The following KLHL2 variants were observed in gnomAD, a reference collection of about 807,000 sequenced individuals.
KLHL2 encodes the protein kelch like family member 2.
A neutral mutation model predicts 75.8 loss-of-function variants in KLHL2; 15 were observed. The ratio of observed to expected loss-of-function variants is 0.20; its 90% CI spans 0.13 to 0.30. KLHL2 has a LOEUF of 0.30. Among genes scored for constraint, KLHL2 ranks in the 10% least tolerant of loss-of-function variants. The pLI is 1.00. For synonymous variants in KLHL2, 214 were observed against 251.9 expected (o/e 0.85, Z 1.42); for missense variants, 381 against 741.0 (o/e 0.51, Z 5.64).
chr4:165,283,793 C>G (rs1273987462), intron 5 of KLHL2, among the ~76,000 whole-genome samples: 1 of 152,232 alleles, frequency 6.6e-6, no homozygotes, highest in Non-Finnish European at 1.5e-5. Flanking sequence ...CAGAGGTTCC[C>G]CATGAGGACC....
At chr4:165,235,586 A>G (rs1739275313) in intron 3 of KLHL2, among the ~76,000 whole-genome samples, 1 of 152,212 alleles carries the variant, frequency 6.6e-6, no homozygotes, top group Admixed American at 6.5e-5. Flanking sequence ...TTGGGTATCT[A>G]CTAGATGTCA....
At chr4:165,296,042 C>T (rs1358181789) in intron 6 of KLHL2, among the ~76,000 whole-genome samples, 2 of 152,138 alleles carry the variant, frequency 1.3e-5, no homozygotes, top group Admixed American at 6.5e-5. Flanking sequence ...CCATTTTATG[C>T]TAACAATTCT....
chr4:165,284,092 G>A (rs1173084427), intron 5 of KLHL2, among the ~76,000 whole-genome samples: 1 of 152,110 alleles, frequency 6.6e-6, no homozygotes, highest in Non-Finnish European at 1.5e-5. Flanking sequence ...TTCCTCCTAG[G>A]CCTCTGGGCC....
rs765149497 is a variant in KLHL2, at chr4:165,278,139, A to G, written c.544+14780A>G. 6 of 1,527,848 alleles carry G rather than the reference A, an allele frequency of 3.9e-6. No individual in the cohort carries two copies. In the African/African-American group the frequency reaches 4.1e-5, roughly 10 times the overall value. 94.6% of individuals were successfully genotyped at this position (1,527,848 alleles called of 1,614,324 possible). A position where few individuals can be genotyped will look rare whatever the true frequency, so the allele number is the denominator to read the frequency against. On this transcript the variant is annotated intron_variant, in intron 5 of 14. Coordinates refer to ENST00000226725, the MANE Select transcript of KLHL2 (RefSeq NM_007246.4). ...ATTGACTTCATCACAGCTTTCTTCC[A>G]TGTAGAATAACGAATTTCACTTTCC...
chr4:165,317,990 C>A (rs371293002), intron 14 of KLHL2, 21 bp downstream of exon 14: 2 of 1,606,538 alleles, frequency 1.2e-6, no homozygotes, highest in Non-Finnish European at 1.7e-6. Context: ...TCTCTAAAGT[C>A]AATTTCCGTA....
At chr4:165,281,317 T>G (rs1222863941) in intron 5 of KLHL2, among the ~76,000 whole-genome samples, 1 of 151,518 alleles carries the variant, frequency 6.6e-6, no homozygotes, top group Non-Finnish European at 1.5e-5. Context: ...CTCTTTTTTT[T>G]TTTTTCATTT....
At chr4:165,284,761 A>G (rs1455284182) in intron 5 of KLHL2, among the ~76,000 whole-genome samples, 1 of 152,178 alleles carries the variant, frequency 6.6e-6, no homozygotes, top group East Asian at 1.9e-4. Context: ...CACACTGCTG[A>G]TAAAGACATA....
At chr4:165,289,273 T>G (rs115012378) in intron 5 of KLHL2, among the ~76,000 whole-genome samples, 1 of 152,184 alleles carries the variant, frequency 6.6e-6, no homozygotes, top group Non-Finnish European at 1.5e-5. Context: ...CCCTCTATAT[T>G]TTAGTAATGC....
intron 6 of KLHL2, among the ~76,000 whole-genome samples, chr4:165,294,719 G>T (rs575500893): frequency 1.2e-4 from 19 of 152,238 alleles, no homozygotes; most frequent in Middle Eastern, 6.8e-3. Flanking sequence ...TAAATTTTTA[G>T]CCACTACAGT....
chr4:165,208,472 C>T (rs1736989667), intron 1 of KLHL2: 1 of 152,150 alleles, frequency 6.6e-6, no homozygotes, highest in Non-Finnish European at 1.5e-5. Context: ...CAGAAATCAG[C>T]ATCTTCTGTT....
At chr4:165,214,184 C>G (rs182317981) in intron 1 of KLHL2, among the ~76,000 whole-genome samples, 1 of 152,002 alleles carries the variant, frequency 6.6e-6, no homozygotes. Context: ...ATTGCGGAGT[C>G]GTATTGCCGC....
rs1201686000 is a variant in KLHL2 at position 165,312,421 on chromosome 4, A to AT, written c.1340-815dup. On this transcript the variant is annotated intron_variant, in intron 11 of 14. Transcript: ENST00000226725. Reference sequence around the variant, plus strand: ...GTTAAGGAAGGCTCTAAGTATTATTATTATTATTTTTTTTTAATTGACTTG... The same window carrying AT: ...GTTAAGGAAGGCTCTAAGTATTATTATTTATTATTTTTTTTTAATTGACTTG... 4.2e-3 allele frequency among the ~76,000 whole-genome samples: 499 copies of AT among 118,686 alleles called. 3 individuals are homozygous for AT. Among genetic ancestry groups the AT allele is most frequent in the African/African-American group, 0.017 (483 of 28,776 alleles). The allele number at this position is 118,686 out of a possible 152,430, so 77.9% of individuals were successfully genotyped here.
intron 8 of KLHL2, among the ~76,000 whole-genome samples, chr4:165,300,613 C>G (rs1325624931): frequency 1.3e-5 from 2 of 152,094 alleles, no homozygotes; most frequent in African/African-American, 2.4e-5. Flanking sequence ...ATGAAATAAC[C>G]CCTCATTTCT....
At chr4:165,219,792 A>C in intron 1 of KLHL2, 142 bp from the exon 2 acceptor site, 1 of 1,357,932 alleles carries the variant, frequency 7.4e-7, no homozygotes, top group Non-Finnish European at 9.7e-7. Flanking sequence ...TTAACCTTAC[A>C]TTGGGATATT....
chr4:165,278,832 T>A (rs761986411), intron 5 of KLHL2: 1 of 1,544,896 alleles, frequency 6.5e-7, no homozygotes, highest in Non-Finnish European at 9.0e-7. Flanking sequence ...GCTTGTCCAA[T>A]CTGGAAGCAC....
chr4:165,282,281 A>G (rs1052684352), intron 5 of KLHL2, among the ~76,000 whole-genome samples: 2 of 152,136 alleles, frequency 1.3e-5, no homozygotes, highest in Non-Finnish European at 2.9e-5. Flanking sequence ...GTAACTGTTG[A>G]TTTTTACTGT....
intron 2 of KLHL2, among the ~76,000 whole-genome samples, chr4:165,224,439 C>G (rs942197624): frequency 6.6e-6 from 1 of 152,148 alleles, no homozygotes; most frequent in African/African-American, 2.4e-5. Context: ...TCCTGTACAA[C>G]CCATAAATAT....
chr4:165,240,349 C>T (rs1164291100), intron 4 of KLHL2: 1 of 152,160 alleles, frequency 6.6e-6, no homozygotes. Flanking sequence ...GAAATCTTTG[C>T]ACTTGTTAAG....
chr4:165,281,550 C>T (rs568981673), intron 5 of KLHL2, among the ~76,000 whole-genome samples: 1 of 152,126 alleles, frequency 6.6e-6, no homozygotes, highest in Non-Finnish European at 1.5e-5. Flanking sequence ...CTCCTGACCT[C>T]GTGATCCACC....
Sources: allele counts gnomAD v4.1 joint callset (sites outside exome capture counted in the v4.1 genomes callset), GRCh38; gene constraint gnomAD v4.1.1; transcripts MANE v1.5; gene names NCBI Gene and HGNC (gene_info 2026-07-23, HGNC 2026-07-21).